The following MACROD2 variants were observed in gnomAD, a reference collection of about 807,000 sequenced individuals.
MACROD2 encodes the protein ADP-ribose glycohydrolase MACROD2.
MACROD2 carries 36 observed loss-of-function variants against 70.4 expected under a neutral mutation model. The observed-to-expected ratio is 0.51, with a 90% CI of 0.39 to 0.68. MACROD2 has a LOEUF of 0.68. MACROD2 is among the 30% of genes least tolerant of loss of function. The probability of loss-of-function intolerance (pLI) is 0.00; values close to 1 mark genes in which losing one functional copy is unlikely to be tolerated. For missense variants in MACROD2, 496 were observed against 538.4 expected (o/e 0.92, Z 0.78); for synonymous variants, 172 against 178.8 (o/e 0.96, Z 0.30).
chr20:15,982,687 G>A lies in MACROD2; in HGVS notation c.986-4040G>A, dbSNP rs979832240. Among the ~76,000 whole-genome samples the A allele has an allele frequency of 6.6e-5, 10 of 152,296 alleles. No individual in the cohort carries two copies. The South Asian group carries it at 2.1e-3, about 32-fold the overall frequency. On this transcript the variant is annotated intron_variant, in intron 13 of 17. Coordinates refer to ENST00000684519, the MANE Select transcript of MACROD2 (RefSeq NM_001351661.2). The stretch of plus-strand genomic sequence containing the variant: ...CTGATACCAGGAGTAAGGTGGCGGG[G>A]TTAGGGTGTTGCAAACTTCAATGGT...
At chr20:15,716,580 C>T (rs1322501291) in intron 8 of MACROD2, among the ~76,000 whole-genome samples, 1 of 152,194 alleles carries the variant, frequency 6.6e-6, no homozygotes, top group East Asian at 1.9e-4. Flanking sequence ...AAGCTTTATA[C>T]TTTACCCCCA....
intron 6 of MACROD2, among the ~76,000 whole-genome samples, chr20:15,346,195 T>C (rs2078164390): frequency 2.0e-5 from 3 of 151,964 alleles, no homozygotes; most frequent in Admixed American, 2.0e-4. Context: ...CAAGCAATCC[T>C]CCAGCCTCAG....
chr20:15,911,325 G>A (rs563360433), intron 10 of MACROD2, among the ~76,000 whole-genome samples: 3 of 152,308 alleles, frequency 2.0e-5, no homozygotes, highest in East Asian at 3.9e-4. Flanking sequence ...ATTCTAGTTC[G>A]TCGTCAGTAA....
At chr20:15,716,119 A>G (rs1193762510) in intron 8 of MACROD2, among the ~76,000 whole-genome samples, 1 of 152,204 alleles carries the variant, frequency 6.6e-6, no homozygotes, top group Non-Finnish European at 1.5e-5. Flanking sequence ...TCAACTGCTA[A>G]TTCTCTTTCA....
At chr20:15,378,730 A>G (rs1010989457) in intron 6 of MACROD2, among the ~76,000 whole-genome samples, 1 of 152,190 alleles carries the variant, frequency 6.6e-6, no homozygotes, top group African/African-American at 2.4e-5. Context: ...TGTGATTTTT[A>G]TATATGTGAA....
chr20:15,483,078 T>C (rs555343770), intron 7 of MACROD2, among the ~76,000 whole-genome samples: 1 of 152,312 alleles, frequency 6.6e-6, no homozygotes, highest in South Asian at 2.1e-4. Flanking sequence ...TTTAATGAAA[T>C]TTAGCTTATT....
At chr20:14,952,062 G>A (rs2074480599) in intron 5 of MACROD2, among the ~76,000 whole-genome samples, 1 of 151,936 alleles carries the variant, frequency 6.6e-6, no homozygotes, top group African/African-American at 2.4e-5. Flanking sequence ...CTTACCAGTG[G>A]GCATGATTTT....
chr20:14,174,753 C>A (rs1171983766), intron 3 of MACROD2, among the ~76,000 whole-genome samples: 4 of 152,170 alleles, frequency 2.6e-5, no homozygotes, highest in Admixed American at 6.5e-5. Context: ...TTCCTTCTTC[C>A]TATGGTCTTT....
In MACROD2 at chr20:14,676,737, A is replaced by G. The variant is rs368024757; in HGVS notation, c.302-8106A>G. ...ACATCAGAGCAGAACTGAAGGAGATAGAGTCATGAAAAACTCTTCAAAAAA... is the reference window on the plus strand; with the variant it reads ...ACATCAGAGCAGAACTGAAGGAGATGGAGTCATGAAAAACTCTTCAAAAAA... On this transcript the variant is annotated intron_variant, in intron 4 of 17. Coordinates refer to ENST00000684519, the MANE Select transcript of MACROD2 (RefSeq NM_001351661.2). 4.6e-5 allele frequency among the ~76,000 whole-genome samples: 7 copies of G among 152,168 alleles called. No individual in the cohort carries two copies. The East Asian group carries it at 7.7e-4, about 17-fold the overall frequency.
At chr20:14,351,972 A>G (rs1312352229) in intron 3 of MACROD2, among the ~76,000 whole-genome samples, 3 of 152,198 alleles carry the variant, frequency 2.0e-5, no homozygotes, top group Non-Finnish European at 4.4e-5. Flanking sequence ...TTTCAGCAGC[A>G]ATTGAAATGA....
intron 6 of MACROD2, among the ~76,000 whole-genome samples, chr20:15,358,749 G>A (rs764992607): frequency 2.0e-4 from 31 of 151,994 alleles, no homozygotes; most frequent in Non-Finnish European, 4.4e-4. Context: ...CTTGGTACTG[G>A]CCTGCAGACG....
intron 5 of MACROD2, among the ~76,000 whole-genome samples, chr20:14,856,705 T>C (rs573196038): frequency 2.5e-4 from 38 of 152,262 alleles, no homozygotes; most frequent in African/African-American, 9.1e-4. Flanking sequence ...AAGCCCAAGA[T>C]ACTGTGTTCT....
intron 3 of MACROD2, among the ~76,000 whole-genome samples, chr20:14,186,536 G>A (rs567602060): frequency 6.6e-6 from 1 of 152,188 alleles, no homozygotes; most frequent in African/African-American, 2.4e-5. Context: ...TGTGGAGAGC[G>A]GTTTGGTGAT....
At chr20:15,338,095 G>A (rs2078068372) in intron 6 of MACROD2, among the ~76,000 whole-genome samples, 1 of 151,142 alleles carries the variant, frequency 6.6e-6, no homozygotes, top group Non-Finnish European at 1.5e-5. Flanking sequence ...TCTTTTTCAG[G>A]TGAGCTAAAC....
intron 5 of MACROD2, among the ~76,000 whole-genome samples, chr20:15,181,276 C>T (rs954374071): frequency 6.6e-6 from 1 of 152,180 alleles, no homozygotes; most frequent in Admixed American, 6.5e-5. Flanking sequence ...TAAAGTGGGC[C>T]TTGCCATTTA....
intron 10 of MACROD2, among the ~76,000 whole-genome samples, chr20:15,895,617 C>A (rs1254232698): frequency 6.6e-6 from 1 of 152,160 alleles, no homozygotes; most frequent in Non-Finnish European, 1.5e-5. Context: ...TTCCTGGGGG[C>A]TTTCATACAG....
intron 2 of MACROD2, among the ~76,000 whole-genome samples, chr20:14,076,254 T>G (rs934259801): frequency 6.6e-6 from 1 of 152,182 alleles, no homozygotes; most frequent in African/African-American, 2.4e-5. Flanking sequence ...TAAAATCTCA[T>G]AAGGAAGCAC....
At chr20:14,043,148 G>A (rs1018511418) in intron 2 of MACROD2, among the ~76,000 whole-genome samples, 2 of 152,048 alleles carry the variant, frequency 1.3e-5, no homozygotes, top group African/African-American at 2.4e-5. Context: ...TCAAACTCTT[G>A]GGCTCAAGCA....
intron 5 of MACROD2, among the ~76,000 whole-genome samples, chr20:15,229,643 A>G (rs1347952347): frequency 6.6e-6 from 1 of 152,198 alleles, no homozygotes; most frequent in Admixed American, 6.5e-5. Context: ...CAGGGAGCCA[A>G]TTATGCACGT....
Sources: gnomAD v4.1 joint callset for allele counts (sites outside exome capture counted in the v4.1 genomes callset) on GRCh38, gnomAD v4.1.1 for gene constraint, MANE v1.5 for transcripts, NCBI Gene and HGNC (gene_info 2026-07-23, HGNC 2026-07-21) for gene names.